SPATS1: variants seen among roughly 807,000 people sequenced by gnomAD.
SPATS1 encodes spermatogenesis associated serine rich 1.
SPATS1 carries 23 observed loss-of-function variants against 33.6 expected under a neutral mutation model. That is an observed-to-expected ratio of 0.68 (90% CI 0.49 to 0.97). The LOEUF is 0.97. Ranked by LOEUF, SPATS1 falls within the 50% of genes least tolerant of loss-of-function variation. The pLI is 0.00. For missense variants in SPATS1, 327 were observed against 361.0 expected (o/e 0.91, Z 0.76); for synonymous variants, 131 against 125.6 (o/e 1.04, Z -0.29).
rs55976441 is a variant in SPATS1, at chr6:44,379,599, CAAAAAAAAAAA to C, written c.*2554_*2564del. 5.5e-5 allele frequency among the ~76,000 whole-genome samples: 3 copies of C among 54,748 alleles called. No homozygotes were observed. Among genetic ancestry groups the C allele is most frequent in the East Asian group, 5.6e-4 (1 of 1,800 alleles). The allele number at this position is 54,748 out of a possible 152,430, so 35.9% of individuals were successfully genotyped here. A position where few individuals can be genotyped will look rare whatever the true frequency, so the allele number is the denominator to read the frequency against. On this transcript the variant is annotated 3_prime_UTR_variant, in exon 9 of 9. Transcript: ENST00000674044. ...TGGGCAACAGAGTGAGACTCTGTCT[CAAAAAAAAAAA>C]AAAAAAAAAAAAAAAAAGAAAGAAA... is the stretch of plus-strand genomic sequence containing the variant.
rs570855722 is a variant in SPATS1 at position 44,376,935 on chromosome 6, G to C, written c.875-100G>C. The C allele has an allele frequency of 4.9e-4, 677 of 1,384,030 alleles. 1 individual carries two copies. The highest frequency in any genetic ancestry group is 6.2e-4 in the Non-Finnish European group (602 of 971,744). 85.7% of individuals were successfully genotyped at this position (1,384,030 alleles called of 1,614,324 possible). A position where few individuals can be genotyped will look rare whatever the true frequency, so the allele number is the denominator to read the frequency against. On this transcript the variant is annotated intron_variant, in intron 8 of 8. Transcript: ENST00000674044. ...TCTTCTGTCCCGAGGTGGTCTCATG[G>C]GCAGATGTCATAGCCAAGCATTGGG...
At chr6:44,342,939 C>G (rs1014811875) in intron 1 of SPATS1, 157 bp from the exon 2 acceptor site, 29 of 1,241,420 alleles carry the variant, frequency 2.3e-5, no homozygotes, top group Non-Finnish European at 3.2e-5. Context: ...CACGAAACGC[C>G]CAGGTGGAGG....
intron 2 of SPATS1, among the ~76,000 whole-genome samples, chr6:44,351,715 A>T (rs188982010): frequency 1.3e-5 from 2 of 152,282 alleles, no homozygotes; most frequent in South Asian, 4.1e-4. Flanking sequence ...TATGTCTGAC[A>T]CTCACTGGTT....
rs548963492 is a variant in SPATS1, at chr6:44,363,213, G to T, written c.574+1221G>T. On this transcript the variant is annotated intron_variant, in intron 5 of 8. Coordinates refer to ENST00000674044, the MANE Select transcript of SPATS1 (RefSeq NM_001372081.1). ...AGTGCCACCATCTTGGCTCACTGCA[G>T]TTCCGAATGCCAGCCCCCCAGCCCC... is the stretch of plus-strand genomic sequence containing the variant. 7.2e-5 allele frequency among the ~76,000 whole-genome samples: 11 copies of T among 151,876 alleles called. No homozygotes were observed. In the South Asian group the frequency reaches 2.3e-3, roughly 32 times the overall value.
At chr6:44,351,927 CTT>C (rs779089871) in intron 2 of SPATS1, among the ~76,000 whole-genome samples, 1 of 152,164 alleles carries the variant, frequency 6.6e-6, no homozygotes, top group Non-Finnish European at 1.5e-5. Context: ...ATTCATCAGT[CTT>C]TTTATAAACA....
chr6:44,347,100 C>A (rs564107704), intron 2 of SPATS1, among the ~76,000 whole-genome samples: 1 of 152,324 alleles, frequency 6.6e-6, no homozygotes. Context: ...TGGAAACCCT[C>A]ATTCTCACCA....
At chr6:44,376,769 C>G (rs1789986649) in intron 8 of SPATS1, among the ~76,000 whole-genome samples, 1 of 152,092 alleles carries the variant, frequency 6.6e-6, no homozygotes. Flanking sequence ...CACTTGCACT[C>G]CAGCCTGGGC....
intron 6 of SPATS1, among the ~76,000 whole-genome samples, chr6:44,369,507 A>C (rs1789465994): frequency 6.6e-6 from 1 of 151,896 alleles, no homozygotes; most frequent in Admixed American, 6.6e-5. Context: ...CCGAGATTGC[A>C]GCGCCACACT....
At chr6:44,369,945 G>A in intron 6 of SPATS1, 106 bp from the exon 7 acceptor site, 1 of 651,948 alleles carries the variant, frequency 1.5e-6, no homozygotes, top group Non-Finnish European at 2.5e-6. Flanking sequence ...GTCAATACTT[G>A]AAAATTAAAA....
In SPATS1 at chr6:44,377,036, T is replaced by A; in HGVS notation, c.876T>A (p.Gly292=). The change falls in exon 9 of 9, where the codon GGT becomes GGA. Residue 292 remains glycine (G), a splice_region_variant and synonymous_variant. Transcript: ENST00000674044. ...VPLMHMLHLS[G]ALDFPRQS Reference sequence around the variant, plus strand: ...GTAACTCCATGCCTCTATCCACAGGTGCTTTGGACTTTCCAAGACAATCCT... The same window carrying A: ...GTAACTCCATGCCTCTATCCACAGGAGCTTTGGACTTTCCAAGACAATCCT... 1 of 1,614,168 alleles carries A rather than the reference T, an allele frequency of 6.2e-7. No homozygotes were observed. Among genetic ancestry groups the A allele is most frequent in the Non-Finnish European group, 8.5e-7 (1 of 1,180,036 alleles).
Position 44,377,386 on chromosome 6 carries a change from C to A in SPATS1, c.*323C>A, listed in dbSNP as rs1790023509. 1 of 398,188 alleles carries A rather than the reference C, an allele frequency of 2.5e-6. No homozygotes were observed. Among genetic ancestry groups the A allele is most frequent in the Non-Finnish European group, 4.6e-6 (1 of 215,716 alleles). The allele number at this position is 398,188 out of a possible 1,614,324, so 24.7% of individuals were successfully genotyped here. A position where few individuals can be genotyped will look rare whatever the true frequency, so the allele number is the denominator to read the frequency against. ...GTGGCAGATATTGTAACCCTTTACA[C>A]CTGTATACCTACATACCTCAGCATG... On this transcript the variant is annotated 3_prime_UTR_variant, in exon 9 of 9. Coordinates refer to ENST00000674044, the MANE Select transcript of SPATS1 (RefSeq NM_001372081.1).
chr6:44,344,258 A>G lies in SPATS1; in HGVS notation c.139+1024A>G, dbSNP rs75707588. On this transcript the variant is annotated intron_variant, in intron 2 of 8. Coordinates refer to ENST00000674044, the MANE Select transcript of SPATS1 (RefSeq NM_001372081.1). Reference sequence around the variant, plus strand: ...AGAAGGGTACCAGGTCCCAGACCACATTAATGAAAGACCCATGGTGTCCTT... The same window carrying G: ...AGAAGGGTACCAGGTCCCAGACCACGTTAATGAAAGACCCATGGTGTCCTT... Among the ~76,000 whole-genome samples, 20 of 152,294 alleles carry G rather than the reference A, an allele frequency of 1.3e-4. No homozygotes were observed. The East Asian group carries it at 3.7e-3, about 28-fold the overall frequency.
At chr6:44,351,809 C>A (rs912154888) in intron 2 of SPATS1, among the ~76,000 whole-genome samples, 1 of 152,140 alleles carries the variant, frequency 6.6e-6, no homozygotes, top group African/African-American at 2.4e-5. Context: ...TTATTGAGCA[C>A]CTGCTTTGTG....
At chr6:44,349,776 C>T (rs1203594144) in intron 2 of SPATS1, among the ~76,000 whole-genome samples, 1 of 152,220 alleles carries the variant, frequency 6.6e-6, no homozygotes, top group Non-Finnish European at 1.5e-5. Flanking sequence ...TTAAGCAACT[C>T]ATGATTTCCA....
At position 44,377,426 on chromosome 6, in the gene SPATS1, A is replaced by G. The variant is rs1169552100; in HGVS notation, c.*363A>G. 4 of 220,238 alleles carry G rather than the reference A, an allele frequency of 1.8e-5. No homozygotes were observed. Among genetic ancestry groups the G allele is most frequent in the African/African-American group, 9.1e-5 (4 of 43,746 alleles). The allele number at this position is 220,238 out of a possible 1,614,324, so 13.6% of individuals were successfully genotyped here. On this transcript the variant is annotated 3_prime_UTR_variant, in exon 9 of 9. Coordinates refer to ENST00000674044, the MANE Select transcript of SPATS1 (RefSeq NM_001372081.1). ...ACCTCAGCATGTATCTTCTAAGGTC[A>G]AGGATGTTGTCTAACAACCACAACA...
chr6:44,343,316 G>C, intron 2 of SPATS1, 82 bp downstream of exon 2: 34 of 1,479,290 alleles, frequency 2.3e-5, no homozygotes, highest in East Asian at 7.2e-5. Flanking sequence ...CAGGTGGGGG[G>C]CACCATTTGA....
chr6:44,357,582 A>G (rs1788668634), intron 3 of SPATS1, among the ~76,000 whole-genome samples: 1 of 152,040 alleles, frequency 6.6e-6, no homozygotes, highest in Non-Finnish European at 1.5e-5. Flanking sequence ...GGGTTTCACT[A>G]TGTTGGCCAG....
At chr6:44,361,363 C>T in intron 4 of SPATS1, 8 of 985,414 alleles carry the variant, frequency 8.1e-6, no homozygotes, top group Non-Finnish European at 9.6e-6. Flanking sequence ...CCCGGTGTCA[C>T]CGTAGCACAT....
chr6:44,347,571 A>G (rs1000817430), intron 2 of SPATS1, among the ~76,000 whole-genome samples: 7 of 152,198 alleles, frequency 4.6e-5, no homozygotes, highest in African/African-American at 1.4e-4. Context: ...CTCTAAGATT[A>G]TATAAACTTT....
Sources: allele counts gnomAD v4.1 joint callset (sites outside exome capture counted in the v4.1 genomes callset), GRCh38; gene constraint gnomAD v4.1.1; transcripts MANE v1.5; gene names NCBI Gene and HGNC (gene_info 2026-07-23, HGNC 2026-07-21).